Variants in SHISA6 observed in about 807,000 individuals in gnomAD.
SHISA6 encodes the protein shisa family member 6.
A neutral mutation model predicts 47.9 loss-of-function variants in SHISA6; 22 were observed. The ratio of observed to expected loss-of-function variants is 0.46; its 90% confidence interval spans 0.33 to 0.66. The LOEUF is 0.66. Among genes scored for constraint, SHISA6 ranks in the 30% least tolerant of loss-of-function variants. The probability of loss-of-function intolerance (pLI) is 0.02; values close to 1 mark genes in which losing one functional copy is unlikely to be tolerated. For missense variants in SHISA6, 680 were observed against 764.6 expected (o/e 0.89, Z 1.30); for synonymous variants, 388 against 337.8 (o/e 1.15, Z -1.63).
At chr17:11,364,429 T>G (rs1316345149) in intron 2 of SHISA6, among the ~76,000 whole-genome samples, 1 of 152,256 alleles carries the variant, frequency 6.6e-6, no homozygotes, top group African/African-American at 2.4e-5. Flanking sequence ...TGCATTTTTT[T>G]GTGTGTTTGG....
At chr17:11,247,775 CTTT>C (rs1248779153) in intron 1 of SHISA6, among the ~76,000 whole-genome samples, 1 of 134,558 alleles carries the variant, frequency 7.4e-6, no homozygotes, top group Non-Finnish European at 1.6e-5. Context: ...TGGCGTCTTT[CTTT>C]TTTTTTTTTT....
At chr17:11,374,338 T>C (rs996394148) in intron 2 of SHISA6, among the ~76,000 whole-genome samples, 2 of 152,194 alleles carry the variant, frequency 1.3e-5, no homozygotes, top group Non-Finnish European at 2.9e-5. Flanking sequence ...CTGCTTTTGA[T>C]GTACCACAGT....
At position 11,388,864 on chromosome 17, in the gene SHISA6, A is replaced by T. The variant is rs187870364; in HGVS notation, c.895+9355A>T. 2.2e-3 allele frequency among the ~76,000 whole-genome samples: 303 copies of T among 140,062 alleles called. 9 individuals carry two copies. Among genetic ancestry groups the T allele is most frequent in the African/African-American group, 7.9e-3 (286 of 36,294 alleles). 91.9% of individuals were successfully genotyped at this position (140,062 alleles called of 152,430 possible). On this transcript the variant is annotated intron_variant, in intron 3 of 5. Coordinates refer to ENST00000441885, the MANE Select transcript of SHISA6 (RefSeq NM_207386.4). ...TATTTTAAAAAAGGTAAAAAAAAAA[A>T]ACCTTTGAGAGTTTCTCAGTCGGGT...
At chr17:11,316,077 A>G (rs9303036) in intron 2 of SHISA6, among the ~76,000 whole-genome samples, 112,854 of 151,892 alleles carry the variant, frequency 0.74, 42,106 homozygotes, top group Middle Eastern at 0.77. Context: ...CTGACACATT[A>G]ATTTTCATTA....
intron 3 of SHISA6, among the ~76,000 whole-genome samples, chr17:11,464,854 A>C (rs1306483172): frequency 6.6e-6 from 1 of 151,666 alleles, no homozygotes; most frequent in Non-Finnish European, 1.5e-5. Flanking sequence ...AGGCAGAAGA[A>C]TTGCTTGAAC....
chr17:11,315,643 A>T (rs1215740259), intron 2 of SHISA6, among the ~76,000 whole-genome samples: 1 of 152,176 alleles, frequency 6.6e-6, no homozygotes, highest in African/African-American at 2.4e-5. Context: ...ACTTCGAATG[A>T]TCATACGATA....
intron 3 of SHISA6, among the ~76,000 whole-genome samples, chr17:11,427,928 A>C (rs1914649148): frequency 6.6e-6 from 1 of 152,190 alleles, no homozygotes; most frequent in African/African-American, 2.4e-5. Flanking sequence ...TAGTCTACTA[A>C]TTTAGATGGA....
intron 3 of SHISA6, among the ~76,000 whole-genome samples, chr17:11,429,549 G>C (rs1914692907): frequency 6.6e-6 from 1 of 151,606 alleles, no homozygotes; most frequent in African/African-American, 2.4e-5. Flanking sequence ...GGGAGGCCAA[G>C]GCGGGTGGAT....
At chr17:11,360,074 C>A (rs1189846125) in intron 2 of SHISA6, among the ~76,000 whole-genome samples, 1 of 152,198 alleles carries the variant, frequency 6.6e-6, no homozygotes, top group East Asian at 1.9e-4. Context: ...CCCAGATGCC[C>A]ATCAGTGATA....
At chr17:11,427,219 T>C (rs577798599) in intron 3 of SHISA6, among the ~76,000 whole-genome samples, 22 of 152,216 alleles carry the variant, frequency 1.4e-4, no homozygotes, top group African/African-American at 5.1e-4. Flanking sequence ...CTACAACCTC[T>C]GCCTCCCAGG....
chr17:11,361,022 A>C (rs1448457340), intron 2 of SHISA6, among the ~76,000 whole-genome samples: 1 of 132,852 alleles, frequency 7.5e-6, no homozygotes. Flanking sequence ...TCATTCCTTA[A>C]GTTTACTATG....
intron 3 of SHISA6, among the ~76,000 whole-genome samples, chr17:11,468,500 T>A (rs1915862415): frequency 6.6e-6 from 1 of 151,906 alleles, no homozygotes; most frequent in Admixed American, 6.6e-5. Context: ...GGAGGCTGGT[T>A]TTCATCTGAA....
intron 2 of SHISA6, among the ~76,000 whole-genome samples, chr17:11,287,074 T>C (rs1909326059): frequency 6.6e-6 from 1 of 152,148 alleles, no homozygotes; most frequent in South Asian, 2.1e-4. Flanking sequence ...TATTTTCACT[T>C]TAGAAACATG....
rs201218707 is a variant in SHISA6 at position 11,316,415 on chromosome 17, C to G, written c.799+52889C>G. 1.7e-3 allele frequency among the ~76,000 whole-genome samples: 87 copies of G among 50,758 alleles called. 1 individual carries two copies. Among genetic ancestry groups the G allele is most frequent in the Non-Finnish European group, 2.7e-3 (75 of 28,194 alleles). The allele number at this position is 50,758 out of a possible 152,430, so 33.3% of individuals were successfully genotyped here. ...TCTCTCTGTCTCTCTCTCTCTCTCT[C>G]TCTCTTTTTTTTTTTTTTTTTTTGA... On this transcript the variant is annotated intron_variant, in intron 2 of 5. Coordinates refer to ENST00000441885, the MANE Select transcript of SHISA6 (RefSeq NM_207386.4).
chr17:11,500,443 G>A (rs530706268), intron 3 of SHISA6, among the ~76,000 whole-genome samples: 1 of 152,300 alleles, frequency 6.6e-6, no homozygotes, highest in Non-Finnish European at 1.5e-5. Flanking sequence ...GCCCTGGATG[G>A]AAGAGGTCTT....
intron 2 of SHISA6, among the ~76,000 whole-genome samples, chr17:11,285,463 G>A (rs1165203938): frequency 6.6e-6 from 1 of 152,170 alleles, no homozygotes; most frequent in East Asian, 1.9e-4. Flanking sequence ...GTCTTAAAAA[G>A]GGGAGAAGGG....
rs543588709 is a variant in SHISA6, at chr17:11,473,627, A to G, written c.896-78269A>G. Among the ~76,000 whole-genome samples the G allele has an allele frequency of 3.2e-3, 481 of 152,132 alleles. 2 individuals carry two copies. The highest frequency in any genetic ancestry group is 0.011 in the African/African-American group (460 of 41,520). On this transcript the variant is annotated intron_variant, in intron 3 of 5. Coordinates refer to ENST00000441885, the MANE Select transcript of SHISA6 (RefSeq NM_207386.4). ...TGGCAATTAATTTTTTATATATATC[A>G]TATATTTATATAATTTAGCACATAG...
At chr17:11,350,698 G>C (rs1911860016) in intron 2 of SHISA6, among the ~76,000 whole-genome samples, 1 of 151,840 alleles carries the variant, frequency 6.6e-6, no homozygotes, top group Admixed American at 6.6e-5. Context: ...AATTATTGTA[G>C]AGTGATCAGA....
intron 4 of SHISA6, among the ~76,000 whole-genome samples, chr17:11,554,465 G>A (rs1188703456): frequency 6.6e-6 from 1 of 152,074 alleles, no homozygotes; most frequent in Non-Finnish European, 1.5e-5. Context: ...TGCCTAGGAG[G>A]GCTTCTCTGT....
Sources: allele counts gnomAD v4.1 joint callset (sites outside exome capture counted in the v4.1 genomes callset), GRCh38; gene constraint gnomAD v4.1.1; transcripts MANE v1.5; gene names NCBI Gene and HGNC (gene_info 2026-07-23, HGNC 2026-07-21).